The following PRPF40B variants were observed in gnomAD, a reference collection of about 807,000 sequenced individuals.
The protein encoded by PRPF40B is pre-mRNA processing factor 40B, also known as pre-mRNA-processing factor 40 homolog B.
Under a neutral mutation model 124.5 loss-of-function variants are expected in PRPF40B, and 56 were observed. The ratio of observed to expected loss-of-function variants is 0.45; its 90% confidence interval spans 0.36 to 0.56. The LOEUF (loss-of-function observed/expected upper bound fraction) is 0.56. Among genes scored for constraint, PRPF40B ranks in the 20% least tolerant of loss-of-function variants. The pLI is 0.00. For missense variants in PRPF40B, 1,053 were observed against 1,169.5 expected, an observed-to-expected ratio of 0.90 and a Z score of 1.45; for synonymous variants, 443 against 426.4, an observed-to-expected ratio of 1.04 and a Z score of -0.48.
In PRPF40B at chr12:49,623,609, G is replaced by T; in HGVS notation, c.3+16G>T. On this transcript the variant is annotated intron_variant, in intron 1 of 25. Transcript: ENST00000548825. ...CTCTGGCATGGTAACATCCCCGCGC[G>T]GGGGTGGAGGGGCTCGGGGCGGTCC... is the stretch of plus-strand genomic sequence containing the variant. The T allele has an allele frequency of 3.2e-6, 4 of 1,233,082 alleles. No homozygotes were observed. The highest frequency in any genetic ancestry group is 2.0e-6 in the Non-Finnish European group (2 of 988,360). The allele number at this position is 1,233,082 out of a possible 1,614,324, so 76.4% of individuals were successfully genotyped here.
intron 1 of PRPF40B, among the ~76,000 whole-genome samples, chr12:49,624,408 C>A (rs1332714984): frequency 6.6e-6 from 1 of 151,988 alleles, no homozygotes; most frequent in Non-Finnish European, 1.5e-5. Flanking sequence ...AGAAAGCCTG[C>A]CGGGCTGGGG....
chr12:49,637,313 C>T (rs1321103162), intron 16 of PRPF40B, 157 bp from the exon 17 acceptor site: 8 of 617,016 alleles, frequency 1.3e-5, no homozygotes, highest in Admixed American at 2.7e-5. Context: ...TTGTTCTCAG[C>T]CTTCCATCTG....
intron 23 of PRPF40B, 22 bp from the exon 24 acceptor site, chr12:49,643,669 G>A (rs756966896): frequency 6.2e-7 from 1 of 1,610,712 alleles, no homozygotes; most frequent in Middle Eastern, 1.7e-4. Flanking sequence ...TTGGGACTTA[G>A]TAGGGATTTT....
In PRPF40B at chr12:49,635,797, G is replaced by A. The variant is rs755267972; in HGVS notation, c.1276-46G>A. 1.5e-5 allele frequency: 24 copies of A among 1,604,706 alleles called. No homozygotes were observed. Among genetic ancestry groups the A allele is most frequent in the Admixed American group, 3.3e-5 (2 of 59,808 alleles). On this transcript the variant is annotated intron_variant, in intron 14 of 25. Coordinates refer to ENST00000548825, the MANE Select transcript of PRPF40B (RefSeq NM_001031698.3). This position sits in a 1 kb window ranked among gnomAD's most constrained non-coding sequence, Gnocchi z 4.1. Reference sequence around the variant, plus strand: ...TCCTCCTCTGCCCAGGCCTACTTGGGTAGCTCTGGCCTGCCCTGCCTCACC... The same window carrying A: ...TCCTCCTCTGCCCAGGCCTACTTGGATAGCTCTGGCCTGCCCTGCCTCACC...
chr12:49,631,841 G>C lies in PRPF40B; in HGVS notation c.229-19G>C, dbSNP rs1941254437. 8.7e-6 allele frequency: 14 copies of C among 1,612,464 alleles called. No homozygotes were observed. In the East Asian group the frequency reaches 2.7e-4, roughly 31 times the overall value. ...GCCCTTACCTTGGTGGTTGGTTTCT[G>C]TCTTCTTTGTATCCATAGATACCAG... is the stretch of plus-strand genomic sequence containing the variant. On this transcript the variant is annotated intron_variant, in intron 3 of 25. Coordinates refer to ENST00000548825, the MANE Select transcript of PRPF40B (RefSeq NM_001031698.3). The surrounding 1 kb of genome is among the most constrained non-coding windows in gnomAD (Gnocchi z 4.3).
chr12:49,633,334 C>T, intron 7 of PRPF40B, 93 bp from the exon 8 acceptor site: 1 of 1,540,202 alleles, frequency 6.5e-7, no homozygotes, highest in South Asian at 1.2e-5. Flanking sequence ...CTAAAGGTTC[C>T]TGTGTCCTCT....
chr12:49,623,624 C>G (rs1382707428), intron 1 of PRPF40B, 31 bp downstream of exon 1: 100 of 1,229,368 alleles, frequency 8.1e-5, no homozygotes, highest in Non-Finnish European at 9.8e-5. Context: ...TGGAGGGGCT[C>G]GGGGCGGTCC....
chr12:49,633,841 A>G (rs1233931666), intron 9 of PRPF40B, 45 bp from the exon 10 acceptor site: 3 of 1,611,170 alleles, frequency 1.9e-6, no homozygotes, highest in African/African-American at 1.3e-5. Flanking sequence ...GAAGTCCTCC[A>G]TTCTTGCTCT....
At position 49,637,510 on chromosome 12, in the gene PRPF40B, C is replaced by CT; in HGVS notation, c.1602dup (p.Met535TyrfsTer14). On this transcript the variant is annotated frameshift_variant, in exon 17 of 26. Transcript: ENST00000548825. LOFTEE classifies it high-confidence loss of function. Reference sequence around the variant, plus strand: ...CTGCATGAGACAGGGCAGCTGCACTCTATGTCCACCTGGATGGAGCTATAT... The same window carrying CT: ...CTGCATGAGACAGGGCAGCTGCACTCTTATGTCCACCTGGATGGAGCTATAT... The CT allele has an allele frequency of 6.2e-7, 1 of 1,613,854 alleles. No individual in the cohort carries two copies.
In PRPF40B at chr12:49,643,338, A is replaced by C. The variant is rs1276498695; in HGVS notation, c.2321A>C (p.Glu774Ala). The C allele has an allele frequency of 6.2e-7, 1 of 1,606,072 alleles. No homozygotes were observed. The highest frequency in any genetic ancestry group is 8.5e-7 in the Non-Finnish European group (1 of 1,176,494). Residue 774 changes from glutamate (E) to alanine (A), a missense_variant, in exon 23 of 26, where the codon GAA (glutamate) becomes GCA (alanine). By Grantham distance (107) the Glu-to-Ala change is moderately radical (BLOSUM62 -1). Transcript: ENST00000548825. ...CCCTCTTCCTCACTTGATTCAGTTG[A>C]AAGTGGGGGTGCTGCCCTTGGAGGA... ...SEPSSSLDSV[E>A]SGGAALGGRG...
Position 49,635,383 on chromosome 12 carries a change from T to C in PRPF40B, c.1185T>C (p.Phe395=). Residue 395 remains phenylalanine, a synonymous_variant, in exon 14 of 26, where the codon TTT becomes TTC. Coordinates refer to ENST00000548825, the MANE Select transcript of PRPF40B (RefSeq NM_001031698.3). The surrounding 1 kb of genome is among the most constrained non-coding windows in gnomAD (Gnocchi z 4.1). ...TCCACAGGCGGGCAGAACAGACCTT[T>C]GGGGAGCTGGAGGTCTGGGCTGTGG... ...TTRYRRAEQT[F]GELEVWAVVP... 6.2e-7 allele frequency: 1 copy of C among 1,613,896 alleles called. No individual in the cohort carries two copies. The highest frequency in any genetic ancestry group is 1.7e-5 in the Admixed American group (1 of 59,982).
At position 49,631,595 on chromosome 12, in the gene PRPF40B, G is replaced by A. The variant is rs1941233173; in HGVS notation, c.228+51G>A. The A allele has an allele frequency of 6.6e-7, 1 of 1,523,632 alleles. No homozygotes were observed. Among genetic ancestry groups the A allele is most frequent in the Non-Finnish European group, 8.8e-7 (1 of 1,136,434 alleles). 94.4% of individuals were successfully genotyped at this position (1,523,632 alleles called of 1,614,324 possible). ...CTCAGAAAACCCTGTCAGTTTAGCT[G>A]GGGGTGGAGATAAGAGCGGGCATGT... On this transcript the variant is annotated intron_variant, in intron 3 of 25. Transcript: ENST00000548825. This position sits in a 1 kb window ranked among gnomAD's most constrained non-coding sequence, Gnocchi z 4.3.
chr12:49,634,170 C>A (rs773570309), intron 10 of PRPF40B, 78 bp downstream of exon 10: 132 of 1,577,320 alleles, frequency 8.4e-5, no homozygotes, highest in Non-Finnish European at 1.0e-4. Context: ...CTCTGCTGGG[C>A]CTCTCTCTCA....
At position 49,633,073 on chromosome 12, in the gene PRPF40B, C is replaced by T. The variant is rs763557602; in HGVS notation, c.408C>T (p.Asp136=). The change falls in exon 7 of 26, where the codon GAC becomes GAT. Residue 136 remains aspartate (D), a synonymous_variant. Transcript: ENST00000548825. ...GGCGCATCTACTACTACAATGCTGA[C>T]GACAAGCAGTCCGTGTGGGAGAAGC... ...PDGRIYYYNA[D]DKQSVWEKPS... The T allele has an allele frequency of 8.3e-6, 13 of 1,557,646 alleles. No individual in the cohort carries two copies. Among genetic ancestry groups the T allele is most frequent in the South Asian group, 2.2e-5 (2 of 89,222 alleles).
At chr12:49,623,263 C>A (rs1940359128), upstream of PRPF40B, among the ~76,000 whole-genome samples, 1 of 151,848 alleles carries the variant, frequency 6.6e-6, no homozygotes, top group African/African-American at 2.4e-5. Context: ...GACTGCGAAG[C>A]CAGGACGCAG....
intron 4 of PRPF40B, 187 bp downstream of exon 4, chr12:49,632,112 T>A (rs556352726): frequency 1.5e-6 from 1 of 653,616 alleles, no homozygotes; most frequent in African/African-American, 1.8e-5. Context: ...TTCCCACTCA[T>A]CCCCAAAGGC....
intron 1 of PRPF40B, among the ~76,000 whole-genome samples, chr12:49,628,264 T>A (rs1357430388): frequency 6.6e-6 from 1 of 152,148 alleles, no homozygotes; most frequent in Non-Finnish European, 1.5e-5. Context: ...TTGTTGTTGT[T>A]GTTGTTTTGT....
At position 49,635,578 on chromosome 12, in the gene PRPF40B, C is replaced by T. The variant is rs1363878097; in HGVS notation, c.1275+105C>T. ...ATTTACTTCTCTACTTCCCCAGTGT[C>T]CCAGCTTCTGACTTGGAAGCTGGTA... On this transcript the variant is annotated intron_variant, in intron 14 of 25. Coordinates refer to ENST00000548825, the MANE Select transcript of PRPF40B (RefSeq NM_001031698.3). The surrounding 1 kb of genome is among the most constrained non-coding windows in gnomAD (Gnocchi z 4.1). The T allele has an allele frequency of 4.3e-6, 5 of 1,159,732 alleles. No individual in the cohort carries two copies. The African/African-American group carries it at 4.6e-5, about 11-fold the overall frequency. 71.8% of individuals were successfully genotyped at this position (1,159,732 alleles called of 1,614,324 possible).
rs1032494694 is a variant in PRPF40B, at chr12:49,642,758, C to T, written c.2118+83C>T. 4.0e-5 allele frequency: 60 copies of T among 1,494,984 alleles called. No individual in the cohort carries two copies. Among genetic ancestry groups the T allele is most frequent in the Non-Finnish European group, 1.5e-5 (16 of 1,093,280 alleles). The allele number at this position is 1,494,984 out of a possible 1,614,324, so 92.6% of individuals were successfully genotyped here. On this transcript the variant is annotated intron_variant, in intron 21 of 25. Coordinates refer to ENST00000548825, the MANE Select transcript of PRPF40B (RefSeq NM_001031698.3). This position sits in a 1 kb window ranked among gnomAD's most constrained non-coding sequence, Gnocchi z 5.8. Reference sequence around the variant, plus strand: ...CAACAGAGACCTCAGTGGCCTCCCTCTTACCCTTAGGGCACTCCTGGCCAG... The same window carrying T: ...CAACAGAGACCTCAGTGGCCTCCCTTTTACCCTTAGGGCACTCCTGGCCAG...
Sources: gnomAD v4.1 joint callset for allele counts (sites outside exome capture counted in the v4.1 genomes callset) on GRCh38, gnomAD v4.1.1 for gene constraint, Gnocchi (gnomAD v3.1) non-coding constraint, MANE v1.5 for transcripts, NCBI Gene and HGNC (gene_info 2026-07-23, HGNC 2026-07-21) for gene names.